ZPBP: variants seen among roughly 807,000 people sequenced by gnomAD.
ZPBP encodes zona pellucida-binding protein 1.
A neutral mutation model predicts 44.8 loss-of-function variants in ZPBP; 26 were observed. The observed-to-expected ratio is 0.58, with a 90% CI of 0.43 to 0.81. The LOEUF (loss-of-function observed/expected upper bound fraction) is 0.81. Ranked by LOEUF, ZPBP falls within the 30% of genes least tolerant of loss-of-function variation. ZPBP has a pLI of 0.00. For synonymous variants in ZPBP, 174 were observed against 153.2 expected (o/e 1.14, Z -1.00); for missense variants, 409 against 434.0 (o/e 0.94, Z 0.51).
intron 2 of ZPBP, among the ~76,000 whole-genome samples, chr7:49,894,979 G>A (rs1792313708): frequency 6.6e-6 from 1 of 152,170 alleles, no homozygotes; most frequent in African/African-American, 2.4e-5. Context: ...AGTCAAGAGT[G>A]AGTTTTTGTT....
downstream of ZPBP, among the ~76,000 whole-genome samples, chr7:49,937,209 A>G (rs540218801): frequency 6.6e-6 from 1 of 152,338 alleles, no homozygotes; most frequent in Non-Finnish European, 1.5e-5. Context: ...TCTAGTGAAC[A>G]TATAGTAAAG....
At chr7:50,048,771 T>C (rs1386546943) in intron 4 of ZPBP, among the ~76,000 whole-genome samples, 5 of 150,504 alleles carry the variant, frequency 3.3e-5, no homozygotes, top group Non-Finnish European at 7.4e-5. Flanking sequence ...CTTCGGACAA[T>C]GAAAAAGAAA....
At chr7:49,843,761 G>A in the ZPBP span, among the ~76,000 whole-genome samples, 21 of 152,310 alleles carry the variant, frequency 1.4e-4, no homozygotes, top group Admixed American at 3.3e-4. Context: ...TTGAAATGTT[G>A]CCCCCAGCGC....
intron 1 of ZPBP, chr7:49,919,246 C>G (rs1209594254): frequency 6.6e-6 from 1 of 152,030 alleles, no homozygotes; most frequent in Admixed American, 6.6e-5. Flanking sequence ...CAATTTAGAC[C>G]TGGGTGATAG....
At chr7:50,027,011 C>T (rs1256908863) in intron 5 of ZPBP, among the ~76,000 whole-genome samples, 2 of 151,924 alleles carry the variant, frequency 1.3e-5, no homozygotes, top group African/African-American at 4.8e-5. Context: ...TAAAACCCCA[C>T]CCCAAAGTGA....
At chr7:50,016,713 C>G (rs1441207944) in intron 6 of ZPBP, among the ~76,000 whole-genome samples, 4 of 152,052 alleles carry the variant, frequency 2.6e-5, no homozygotes, top group African/African-American at 7.2e-5. Context: ...TATCCTAGCT[C>G]AGGGTCTGTG....
chr7:50,079,558 G>T (rs1385002133), intron 3 of ZPBP, among the ~76,000 whole-genome samples: 1 of 151,594 alleles, frequency 6.6e-6, no homozygotes, highest in East Asian at 1.9e-4. Context: ...GGGACTGGGG[G>T]GTTGGAGACA....
chr7:50,063,701 G>A (rs1801363428), intron 3 of ZPBP, among the ~76,000 whole-genome samples: 1 of 152,024 alleles, frequency 6.6e-6, no homozygotes, highest in South Asian at 2.1e-4. Context: ...TGATAGCTCG[G>A]CCATTATCAT....
At chr7:50,091,167 G>T (rs1436677818) in intron 1 of ZPBP, among the ~76,000 whole-genome samples, 3 of 151,306 alleles carry the variant, frequency 2.0e-5, no homozygotes, top group Admixed American at 1.3e-4. Flanking sequence ...GACTGTTGGG[G>T]TTTTTTTTCA....
At chr7:49,848,175 G>A (rs1303642727), downstream of ZPBP, among the ~76,000 whole-genome samples, 1 of 152,146 alleles carries the variant, frequency 6.6e-6, no homozygotes, top group Non-Finnish European at 1.5e-5. Flanking sequence ...TGCAAGATAG[G>A]GGCCCAACTT....
chr7:50,041,552 C>A lies in ZPBP; in HGVS notation c.488-10242G>T, dbSNP rs1474686787. 2.6e-5 allele frequency among the ~76,000 whole-genome samples: 4 copies of A among 152,172 alleles called. No individual in the cohort carries two copies. In the East Asian group the frequency reaches 7.7e-4, roughly 29 times the overall value. ...TGGACCTCCTGCAAACTCCAGCAGA[C>A]CTGCAGCAGAAGGGCCTGTTAGAAG... On this transcript the variant is annotated intron_variant, in intron 4 of 7. Coordinates refer to ENST00000046087, the MANE Select transcript of ZPBP (RefSeq NM_007009.3).
chr7:49,935,484 C>G (rs994464242), downstream of ZPBP, among the ~76,000 whole-genome samples: 5 of 152,018 alleles, frequency 3.3e-5, no homozygotes, highest in African/African-American at 1.2e-4. Context: ...CTGCACACTC[C>G]GCTTTCTGGT....
intron 6 of ZPBP, among the ~76,000 whole-genome samples, chr7:50,017,827 A>G (rs1185814258): frequency 6.6e-6 from 1 of 152,108 alleles, no homozygotes; most frequent in African/African-American, 2.4e-5. Flanking sequence ...ATATAGCATC[A>G]TTTTCACCCT....
chr7:50,050,809 A>C (rs1321707031), intron 4 of ZPBP, among the ~76,000 whole-genome samples: 46 of 150,122 alleles, frequency 3.1e-4, no homozygotes, highest in African/African-American at 1.0e-3. Flanking sequence ...AAAAAAAAAA[A>C]AAAAACCTAA....
chr7:49,921,830 G>A (rs1562777590), intron 1 of ZPBP: 1 of 152,142 alleles, frequency 6.6e-6, no homozygotes, highest in East Asian at 1.9e-4. Flanking sequence ...CCAGAAAAAT[G>A]TTTTGTAATA....
chr7:49,975,554 T>C (rs550673630), intron 7 of ZPBP, among the ~76,000 whole-genome samples: 22 of 152,318 alleles, frequency 1.4e-4, no homozygotes, highest in South Asian at 6.2e-4. Flanking sequence ...CCCATCTTCT[T>C]TTCCCAGAAA....
chr7:49,988,185 T>C (rs921439150), intron 6 of ZPBP, among the ~76,000 whole-genome samples: 3 of 152,136 alleles, frequency 2.0e-5, no homozygotes, highest in African/African-American at 7.2e-5. Context: ...TTATACAAGG[T>C]TTTTGCTTTT....
intron 2 of ZPBP, among the ~76,000 whole-genome samples, chr7:49,865,942 T>C (rs1159875896): frequency 1.3e-5 from 2 of 152,228 alleles, no homozygotes; most frequent in African/African-American, 4.8e-5. Flanking sequence ...GTTGAGAAAG[T>C]CTACTCGGCA....
intron 7 of ZPBP, among the ~76,000 whole-genome samples, chr7:49,965,059 G>T (rs1351424742): frequency 3.3e-5 from 5 of 152,076 alleles, no homozygotes; most frequent in Admixed American, 1.3e-4. Flanking sequence ...GAAAAGTCTT[G>T]CCCCAGTAAG....
Sources: allele counts gnomAD v4.1 joint callset (sites outside exome capture counted in the v4.1 genomes callset), GRCh38; gene constraint gnomAD v4.1.1; transcripts MANE v1.5; gene names NCBI Gene and HGNC (gene_info 2026-07-23, HGNC 2026-07-21).